Variants in SLC13A3 observed in about 807,000 individuals in gnomAD.
SLC13A3 encodes solute carrier family 13 member 3.
A neutral mutation model predicts 59.0 loss-of-function variants in SLC13A3; 40 were observed. The ratio of observed to expected loss-of-function variants is 0.68; its 90% CI spans 0.53 to 0.88. SLC13A3 has a LOEUF of 0.88. Among genes scored for constraint, SLC13A3 ranks in the 40% least tolerant of loss-of-function variants. The pLI is 0.00. For synonymous variants in SLC13A3, 317 were observed against 330.3 expected, an observed-to-expected ratio of 0.96 and a Z score of 0.44; for missense variants, 699 against 783.2, an observed-to-expected ratio of 0.89 and a Z score of 1.28.
At chr20:46,581,166 C>T (rs1320852852) in intron 9 of SLC13A3, among the ~76,000 whole-genome samples, 2 of 152,184 alleles carry the variant, frequency 1.3e-5, no homozygotes, top group South Asian at 4.1e-4. Context: ...AAGCCAAGAA[C>T]CCTCCCAGAC....
chr20:46,605,850 T>C (rs1568932848), intron 3 of SLC13A3, among the ~76,000 whole-genome samples: 1 of 152,180 alleles, frequency 6.6e-6, no homozygotes, highest in African/African-American at 2.4e-5. Flanking sequence ...AGAGTTCTTG[T>C]GTCAAATTAG....
chr20:46,564,820 A>G (rs6090517), intron 11 of SLC13A3, among the ~76,000 whole-genome samples: 19,932 of 152,272 alleles, frequency 0.13, 1,393 homozygotes, highest in African/African-American at 0.15. Context: ...GGAAATACCT[A>G]TATTTCCATT....
At chr20:46,589,285 G>T in intron 6 of SLC13A3, 30 bp from the exon 7 acceptor site, 1 of 1,581,034 alleles carries the variant, frequency 6.3e-7, no homozygotes, top group Non-Finnish European at 8.7e-7. Flanking sequence ...ATTAGGAGTG[G>T]CCACTGCAGG....
chr20:46,663,269 C>A (rs537546137), intron 1 of SLC13A3, among the ~76,000 whole-genome samples: 12 of 152,048 alleles, frequency 7.9e-5, no homozygotes, highest in Non-Finnish European at 1.3e-4. Flanking sequence ...CATAGTGAGA[C>A]CCTGTCTCTA....
intron 1 of SLC13A3, among the ~76,000 whole-genome samples, chr20:46,642,027 C>T (rs539624120): frequency 1.3e-5 from 2 of 152,258 alleles, no homozygotes; most frequent in South Asian, 2.1e-4. Flanking sequence ...CTGCCTTGCC[C>T]GAACATATTG....
chr20:46,568,496 T>TA (rs998534419), intron 10 of SLC13A3, among the ~76,000 whole-genome samples: 34 of 151,934 alleles, frequency 2.2e-4, no homozygotes, highest in Admixed American at 1.2e-3. Flanking sequence ...ACTTAAAAGT[T>TA]ACCTTCAATG....
chr20:46,592,383 C>A, intron 6 of SLC13A3, 21 bp downstream of exon 6: 1 of 1,612,974 alleles, frequency 6.2e-7, no homozygotes, highest in South Asian at 1.1e-5. Context: ...ACTCTATTGC[C>A]AAAAAGAAAA....
chr20:46,565,686 G>A (rs2061974304), intron 11 of SLC13A3, among the ~76,000 whole-genome samples: 1 of 152,176 alleles, frequency 6.6e-6, no homozygotes, highest in Non-Finnish European at 1.5e-5. Flanking sequence ...TTGTTCCCCT[G>A]ACGGGGATAT....
intron 1 of SLC13A3, among the ~76,000 whole-genome samples, chr20:46,666,312 C>A (rs7360794): frequency 1.3e-5 from 2 of 152,308 alleles, no homozygotes; most frequent in South Asian, 4.1e-4. Context: ...ACCTCATCAC[C>A]TATAAATCTT....
rs142218644 is a variant in SLC13A3, at chr20:46,590,504, A to G, written c.921-1249T>C. The stretch of plus-strand genomic sequence containing the variant: ...AAAAACCCATTTGAAAAAAATGTAT[A>G]AAAATATGAACACACAGTTTCACAA... On this transcript the variant is annotated intron_variant, in intron 6 of 12. Coordinates refer to ENST00000279027, the MANE Select transcript of SLC13A3 (RefSeq NM_022829.6). Among the ~76,000 whole-genome samples the G allele has an allele frequency of 2.0e-4, 30 of 152,358 alleles. No homozygotes were observed. The East Asian group carries it at 4.4e-3, about 23-fold the overall frequency.
At chr20:46,647,982 T>C (rs932558484) in intron 1 of SLC13A3, among the ~76,000 whole-genome samples, 3 of 152,196 alleles carry the variant, frequency 2.0e-5, no homozygotes, top group Non-Finnish European at 4.4e-5. Flanking sequence ...CGCCAGAATA[T>C]CCATGTGGAA....
At chr20:46,668,557 C>T (rs2063073740) in intron 1 of SLC13A3, among the ~76,000 whole-genome samples, 1 of 152,170 alleles carries the variant, frequency 6.6e-6, no homozygotes, top group African/African-American at 2.4e-5. Context: ...AAGCCATCTG[C>T]ATAACATAAA....
intron 1 of SLC13A3, among the ~76,000 whole-genome samples, chr20:46,631,026 T>C (rs1450616750): frequency 6.6e-6 from 1 of 152,236 alleles, no homozygotes; most frequent in African/African-American, 2.4e-5. Flanking sequence ...ATAACATTGT[T>C]ATTAATAGTA....
At chr20:46,594,490 GGA>G (rs2062290319) in intron 5 of SLC13A3, among the ~76,000 whole-genome samples, 1 of 151,866 alleles carries the variant, frequency 6.6e-6, no homozygotes, top group African/African-American at 2.4e-5. Context: ...CCAGCCCTGG[GGA>G]TGGGTCCTGG....
chr20:46,600,563 A>G (rs563257018), intron 3 of SLC13A3: 65 of 445,026 alleles, frequency 1.5e-4, no homozygotes, highest in African/African-American at 1.2e-3. Flanking sequence ...CTGCTTGACA[A>G]CCCATAACTC....
At chr20:46,662,194 C>T (rs991002182) in intron 1 of SLC13A3, among the ~76,000 whole-genome samples, 2 of 152,104 alleles carry the variant, frequency 1.3e-5, no homozygotes, top group African/African-American at 4.8e-5. Flanking sequence ...CTTTAGGTTT[C>T]TTTGTGTCCT....
chr20:46,597,567 A>G (rs1241884958), intron 4 of SLC13A3, among the ~76,000 whole-genome samples: 4 of 151,976 alleles, frequency 2.6e-5, no homozygotes, highest in Non-Finnish European at 5.9e-5. Flanking sequence ...CTCCCGAGTA[A>G]CTGAGATTAT....
chr20:46,586,560 A>G (rs2122657335), intron 8 of SLC13A3, among the ~76,000 whole-genome samples: 1 of 152,324 alleles, frequency 6.6e-6, no homozygotes, highest in East Asian at 1.9e-4. Context: ...CCAGTCTTGC[A>G]TATCTAACTG....
intron 3 of SLC13A3, among the ~76,000 whole-genome samples, chr20:46,606,489 T>G (rs1248387615): frequency 6.6e-6 from 1 of 152,152 alleles, no homozygotes; most frequent in Admixed American, 6.5e-5. Context: ...AAGATGTAGA[T>G]GGCAAGTTAG....
Sources: allele counts gnomAD v4.1 joint callset (sites outside exome capture counted in the v4.1 genomes callset), GRCh38; gene constraint gnomAD v4.1.1; transcripts MANE v1.5; gene names NCBI Gene and HGNC (gene_info 2026-07-23, HGNC 2026-07-21).